EYA1: variants seen among roughly 807,000 people sequenced by gnomAD.
EYA1 encodes the protein EYA transcriptional coactivator and phosphatase 1, also known as protein phosphatase EYA1.
A neutral mutation model predicts 82.0 loss-of-function variants in EYA1; 16 were observed. The ratio of observed to expected loss-of-function variants is 0.20; its 90% confidence interval spans 0.13 to 0.30. EYA1 has a LOEUF of 0.30. Among genes scored for constraint, EYA1 ranks in the 10% least tolerant of loss-of-function variants. The pLI, the probability that EYA1 is intolerant of heterozygous loss-of-function variation, is 1.00. For missense variants in EYA1, 633 were observed against 730.7 expected (o/e 0.87, Z 1.54); for synonymous variants, 261 against 264.4 (o/e 0.99, Z 0.12).
intron 7 of EYA1, among the ~76,000 whole-genome samples, chr8:71,311,041 C>T (rs1821280759): frequency 6.6e-6 from 1 of 152,094 alleles, no homozygotes; most frequent in Non-Finnish European, 1.5e-5. Context: ...ATTGTTTGCA[C>T]GTGAACTACA....
intron 12 of EYA1, among the ~76,000 whole-genome samples, chr8:71,224,214 C>T (rs775499477): frequency 6.6e-6 from 1 of 152,208 alleles, no homozygotes; most frequent in East Asian, 1.9e-4. Flanking sequence ...TTGAGTTACA[C>T]AAGTCCAAAT....
At chr8:71,353,848 T>C (rs1411394000) in intron 3 of EYA1, among the ~76,000 whole-genome samples, 1 of 152,172 alleles carries the variant, frequency 6.6e-6, no homozygotes, top group Non-Finnish European at 1.5e-5. Context: ...ACATGGATAA[T>C]TTATTGAACT....
chr8:71,507,626 C>G (rs1018163116), intron 2 of EYA1, among the ~76,000 whole-genome samples: 5 of 152,214 alleles, frequency 3.3e-5, no homozygotes, highest in African/African-American at 1.2e-4. Context: ...AGAAGCTTTA[C>G]TTGTCCATCA....
chr8:71,355,056 T>C lies in EYA1; in HGVS notation c.-4-147A>G, dbSNP rs554389753. Reference sequence around the variant, plus strand: ...TAGACTCAAAATAATTCATCTCACATTTTGACTTCAGGTATCCCTTCATCA... The same window carrying C: ...TAGACTCAAAATAATTCATCTCACACTTTGACTTCAGGTATCCCTTCATCA... On this transcript the variant is annotated intron_variant, in intron 2 of 17. Transcript: ENST00000340726. The C allele has an allele frequency of 4.9e-6, 4 of 821,402 alleles. No homozygotes were observed. In the African/African-American group the frequency reaches 6.7e-5, roughly 14 times the overall value. The allele number at this position is 821,402 out of a possible 1,614,324, so 50.9% of individuals were successfully genotyped here.
intron 3 of EYA1, among the ~76,000 whole-genome samples, chr8:71,351,146 A>G (rs1327316592): frequency 6.6e-6 from 1 of 152,112 alleles, no homozygotes; most frequent in African/African-American, 2.4e-5. Flanking sequence ...CTTGGCCTCC[A>G]ATTGCATCTG....
chr8:71,388,912 G>A (rs575307864), intron 2 of EYA1, among the ~76,000 whole-genome samples: 1 of 152,140 alleles, frequency 6.6e-6, no homozygotes, highest in Non-Finnish European at 1.5e-5. Flanking sequence ...CTAGTTCCAG[G>A]AGACTCAGGA....
intron 4 of EYA1, among the ~76,000 whole-genome samples, chr8:71,330,559 C>T (rs1428008511): frequency 2.0e-5 from 3 of 152,108 alleles, no homozygotes; most frequent in Admixed American, 2.0e-4. Context: ...CTTCACTCCC[C>T]CACATTATTC....
intron 2 of EYA1, among the ~76,000 whole-genome samples, chr8:71,492,119 TCTC>T (rs940849229): frequency 4.6e-5 from 7 of 152,058 alleles, no homozygotes; most frequent in African/African-American, 1.7e-4. Flanking sequence ...CCGACTGACA[TCTC>T]CTTTTAAAAT....
At chr8:71,273,568 C>T (rs1166618789) in intron 9 of EYA1, among the ~76,000 whole-genome samples, 1 of 152,212 alleles carries the variant, frequency 6.6e-6, no homozygotes, top group Admixed American at 6.5e-5. Flanking sequence ...GGATTCAAAG[C>T]TGTTCTTTGA....
At chr8:71,403,101 T>C (rs892184538) in intron 2 of EYA1, among the ~76,000 whole-genome samples, 3 of 152,188 alleles carry the variant, frequency 2.0e-5, no homozygotes, top group Non-Finnish European at 4.4e-5. Flanking sequence ...ATAGATATTT[T>C]AAACTGTTGT....
intron 12 of EYA1, among the ~76,000 whole-genome samples, chr8:71,233,530 C>G (rs1044914784): frequency 5.4e-5 from 8 of 149,254 alleles, no homozygotes; most frequent in Admixed American, 2.0e-4. Flanking sequence ...TGCCACTGCA[C>G]TCCATCCTGG....
At chr8:71,518,316 C>G (rs576204170) in intron 2 of EYA1, among the ~76,000 whole-genome samples, 2 of 152,088 alleles carry the variant, frequency 1.3e-5, no homozygotes, top group African/African-American at 4.8e-5. Flanking sequence ...ATTGCTGACC[C>G]CAGTAAACCA....
chr8:71,201,021 T>G (rs867607708), intron 17 of EYA1, among the ~76,000 whole-genome samples: 2 of 141,868 alleles, frequency 1.4e-5, no homozygotes, highest in African/African-American at 5.3e-5. Context: ...GCATACTAGA[T>G]GGGTATGAGA....
At chr8:71,545,395 G>T (rs1276366999) in intron 1 of EYA1, among the ~76,000 whole-genome samples, 1 of 152,060 alleles carries the variant, frequency 6.6e-6, no homozygotes, top group Non-Finnish European at 1.5e-5. Context: ...AGAAAAATTA[G>T]ACACTTTCAG....
chr8:71,243,660 A>G (rs188281786), intron 12 of EYA1, among the ~76,000 whole-genome samples: 171 of 152,342 alleles, frequency 1.1e-3, no homozygotes, highest in African/African-American at 3.8e-3. Context: ...GTTCTGTCAC[A>G]CACTGGCATT....
chr8:71,440,995 A>G (rs755414795), intron 2 of EYA1, among the ~76,000 whole-genome samples: 1 of 152,198 alleles, frequency 6.6e-6, no homozygotes, highest in Non-Finnish European at 1.5e-5. Flanking sequence ...TTGATTATGA[A>G]AGTCAAACTT....
intron 2 of EYA1, among the ~76,000 whole-genome samples, chr8:71,464,031 C>A (rs530193330): frequency 6.6e-6 from 1 of 152,150 alleles, no homozygotes; most frequent in African/African-American, 2.4e-5. Context: ...ATTATAATAA[C>A]AGAACCCACT....
In EYA1 at chr8:71,322,225, G is replaced by A. The variant is rs756513881; in HGVS notation, c.246C>T (p.Phe82=). The A allele has an allele frequency of 6.2e-7, 1 of 1,614,018 alleles. No homozygotes were observed. The highest frequency in any genetic ancestry group is 8.5e-7 in the Non-Finnish European group (1 of 1,179,868). The part of the protein sequence containing the change: ...SSFSPRPTHQ[F]SPPQIYPSNR... Reference sequence around the variant, plus strand: ...TGGAAGGGTAAATCTGTGGTGGAGAGAACTGGTGAGTTGGTCGTGGGCTGA... The same window carrying A: ...TGGAAGGGTAAATCTGTGGTGGAGAAAACTGGTGAGTTGGTCGTGGGCTGA... The change falls in exon 5 of 18, where the codon TTC becomes TTT. Residue 82 remains phenylalanine, a synonymous_variant. Transcript: ENST00000340726.
chr8:71,380,436 T>A (rs183642643), intron 2 of EYA1, among the ~76,000 whole-genome samples: 1 of 152,288 alleles, frequency 6.6e-6, no homozygotes, highest in African/African-American at 2.4e-5. Flanking sequence ...GACCTGGGTA[T>A]GTCTGACTTT....
Sources: gnomAD v4.1 joint callset for allele counts (sites outside exome capture counted in the v4.1 genomes callset) on GRCh38, gnomAD v4.1.1 for gene constraint, MANE v1.5 for transcripts, NCBI Gene and HGNC (gene_info 2026-07-23, HGNC 2026-07-21) for gene names.